LRRTM4: variants seen among roughly 807,000 people sequenced by gnomAD.
LRRTM4 encodes the protein leucine-rich repeat transmembrane neuronal protein 4.
A neutral mutation model predicts 47.6 loss-of-function variants in LRRTM4; 25 were observed. The ratio of observed to expected loss-of-function variants is 0.53; its 90% confidence interval spans 0.38 to 0.73. LRRTM4 has a LOEUF of 0.73. Ranked by LOEUF, LRRTM4 falls within the 30% of genes least tolerant of loss-of-function variation. The pLI is 0.00. For missense variants in LRRTM4, 638 were observed against 713.4 expected, an observed-to-expected ratio of 0.89 and a Z score of 1.20; for synonymous variants, 311 against 269.5, an observed-to-expected ratio of 1.15 and a Z score of -1.51.
At chr2:77,257,592 T>C (rs961336945) in intron 3 of LRRTM4, among the ~76,000 whole-genome samples, 1 of 152,086 alleles carries the variant, frequency 6.6e-6, no homozygotes, top group African/African-American at 2.4e-5. Flanking sequence ...ACTTTTTATA[T>C]ACTTTTCCTT....
intron 3 of LRRTM4, among the ~76,000 whole-genome samples, chr2:77,382,708 C>G (rs1673109235): frequency 6.6e-6 from 1 of 152,076 alleles, no homozygotes; most frequent in African/African-American, 2.4e-5. Context: ...AATCATGCCT[C>G]TGCTGAATTT....
intron 3 of LRRTM4, among the ~76,000 whole-genome samples, chr2:77,270,869 T>G (rs1676172355): frequency 6.6e-6 from 1 of 152,190 alleles, no homozygotes; most frequent in Non-Finnish European, 1.5e-5. Flanking sequence ...TCTAATTGGT[T>G]TTCTACACTG....
At chr2:77,424,468 T>A (rs1445084368) in intron 3 of LRRTM4, among the ~76,000 whole-genome samples, 2 of 152,182 alleles carry the variant, frequency 1.3e-5, no homozygotes, top group African/African-American at 4.8e-5. Flanking sequence ...GGTAAACTCT[T>A]CAGTTTTAAA....
intron 3 of LRRTM4, among the ~76,000 whole-genome samples, chr2:76,996,456 T>A (rs1415441192): frequency 6.6e-6 from 1 of 152,112 alleles, no homozygotes; most frequent in Non-Finnish European, 1.5e-5. Context: ...AAAATAAAAT[T>A]AAGCGAGGTT....
chr2:76,812,793 C>A (rs867259990), intron 3 of LRRTM4, among the ~76,000 whole-genome samples: 5 of 124,392 alleles, frequency 4.0e-5, no homozygotes, highest in African/African-American at 6.3e-5. Flanking sequence ...CCTCTCCCTC[C>A]CCCCCCTCCT....
At chr2:77,090,043 C>T (rs928444385) in intron 3 of LRRTM4, among the ~76,000 whole-genome samples, 7 of 152,072 alleles carry the variant, frequency 4.6e-5, no homozygotes, top group Non-Finnish European at 8.8e-5. Flanking sequence ...CTGACCTCTC[C>T]CTTGCTCCCC....
intron 3 of LRRTM4, among the ~76,000 whole-genome samples, chr2:77,039,305 A>C (rs1678947183): frequency 1.5e-5 from 2 of 136,374 alleles, no homozygotes; most frequent in South Asian, 2.4e-4. Flanking sequence ...ACATCTTTCA[A>C]ATGTTTTTAA....
intron 3 of LRRTM4, among the ~76,000 whole-genome samples, chr2:77,162,721 G>A (rs1036319455): frequency 7.9e-5 from 12 of 152,242 alleles, no homozygotes; most frequent in African/African-American, 2.9e-4. Context: ...GTCTGGAGTG[G>A]ACCTCCAGCA....
chr2:76,774,178 C>CT (rs11342000), intron 3 of LRRTM4, among the ~76,000 whole-genome samples: 2,968 of 146,808 alleles, frequency 0.02, 75 homozygotes, highest in African/African-American at 0.061. Flanking sequence ...GAAAAGGGAA[C>CT]TTTTTTTTTT....
chr2:76,930,377 G>C (rs1235901203), intron 3 of LRRTM4, among the ~76,000 whole-genome samples: 1 of 152,184 alleles, frequency 6.6e-6, no homozygotes, highest in African/African-American at 2.4e-5. Context: ...TCCATCAGCA[G>C]TTCTGTAATT....
chr2:77,100,583 C>T (rs1423536696), intron 3 of LRRTM4, among the ~76,000 whole-genome samples: 1 of 151,934 alleles, frequency 6.6e-6, no homozygotes, highest in Non-Finnish European at 1.5e-5. Context: ...GGTAGGGTTT[C>T]TTAAAAGCCT....
intron 3 of LRRTM4, among the ~76,000 whole-genome samples, chr2:76,957,912 TTGTG>T (rs879659124): frequency 6.6e-6 from 1 of 151,034 alleles, no homozygotes; most frequent in Non-Finnish European, 1.5e-5. Flanking sequence ...ATATATGTGT[TTGTG>T]TGTGTGTATA....
At chr2:77,251,324 A>G (rs1573144663) in intron 3 of LRRTM4, among the ~76,000 whole-genome samples, 1 of 151,374 alleles carries the variant, frequency 6.6e-6, no homozygotes, top group African/African-American at 2.4e-5. Context: ...TATCATAAAA[A>G]AGCTAAATGC....
intron 3 of LRRTM4, among the ~76,000 whole-genome samples, chr2:77,029,080 A>ATGT (rs1678559334): frequency 6.8e-6 from 1 of 146,558 alleles, no homozygotes. Flanking sequence ...TAATATATAT[A>ATGT]TATTATATAT....
chr2:77,148,485 C>T (rs1416180083), intron 3 of LRRTM4, among the ~76,000 whole-genome samples: 1 of 152,030 alleles, frequency 6.6e-6, no homozygotes, highest in Non-Finnish European at 1.5e-5. Context: ...AACACAAACC[C>T]TACATTAGCC....
At chr2:77,422,317 T>C (rs1327036858) in intron 3 of LRRTM4, among the ~76,000 whole-genome samples, 1 of 152,232 alleles carries the variant, frequency 6.6e-6, no homozygotes, top group African/African-American at 2.4e-5. Flanking sequence ...TTATTATGGC[T>C]GTTAACACTA....
At chr2:77,233,689 T>G (rs1000788263) in intron 3 of LRRTM4, among the ~76,000 whole-genome samples, 3 of 152,230 alleles carry the variant, frequency 2.0e-5, no homozygotes, top group African/African-American at 7.2e-5. Flanking sequence ...ATTTAAAGTG[T>G]ATTTTTGTAA....
intron 3 of LRRTM4, among the ~76,000 whole-genome samples, chr2:77,059,496 C>G (rs1356501688): frequency 2.6e-5 from 4 of 152,236 alleles, no homozygotes; most frequent in African/African-American, 4.8e-5. Flanking sequence ...GTGCCAGTTC[C>G]TCCTCAATCA....
At chr2:76,894,068 G>T (rs1020001279) in intron 3 of LRRTM4, among the ~76,000 whole-genome samples, 1 of 152,020 alleles carries the variant, frequency 6.6e-6, no homozygotes, top group East Asian at 1.9e-4. Context: ...ATTGTATGTA[G>T]TCATAATGTT....
Sources: gnomAD v4.1 joint callset for allele counts (sites outside exome capture counted in the v4.1 genomes callset) on GRCh38, gnomAD v4.1.1 for gene constraint, MANE v1.5 for transcripts, NCBI Gene and HGNC (gene_info 2026-07-23, HGNC 2026-07-21) for gene names.